Variants in TMEM71 observed in about 807,000 individuals in gnomAD.
The protein encoded by TMEM71 is transmembrane protein 71.
Under a neutral mutation model 38.0 loss-of-function variants are expected in TMEM71, and 44 were observed. The ratio of observed to expected loss-of-function variants is 1.16; its 90% CI spans 0.91 to 1.49. The LOEUF is 1.49. Ranked by LOEUF, TMEM71 falls within the 40% of genes most tolerant of loss-of-function variation. The pLI is 0.00. For missense variants in TMEM71, 367 were observed against 348.6 expected (o/e 1.05, Z -0.42); for synonymous variants, 133 against 122.5 (o/e 1.09, Z -0.56).
chr8:132,738,597 A>G (rs1418927268), intron 5 of TMEM71, among the ~76,000 whole-genome samples: 2 of 152,208 alleles, frequency 1.3e-5, no homozygotes, highest in African/African-American at 4.8e-5. Context: ...GCTTAAGAGA[A>G]TCAAAAAATA....
rs1256301375 is a variant in TMEM71 at position 132,728,125 on chromosome 8, T to C, written c.488-139A>G. On this transcript the variant is annotated intron_variant, in intron 5 of 9. Transcript: ENST00000677595. ...ATATTGATACGGTATTGCACTACCA[T>C]AGTGGGATGGGAGAAGGATTTTTGG... 5 of 596,822 alleles carry C rather than the reference T, an allele frequency of 8.4e-6. No homozygotes were observed. In the Admixed American group the frequency reaches 1.1e-4, roughly 13 times the overall value. 37.0% of individuals were successfully genotyped at this position (596,822 alleles called of 1,614,324 possible). A position where few individuals can be genotyped will look rare whatever the true frequency, so the allele number is the denominator to read the frequency against.
intron 5 of TMEM71, among the ~76,000 whole-genome samples, chr8:132,745,119 A>C (rs1489186593): frequency 6.6e-6 from 1 of 152,222 alleles, no homozygotes; most frequent in Non-Finnish European, 1.5e-5. Flanking sequence ...AGCCTTGGAA[A>C]ATAATTTATG....
chr8:132,720,679 G>A (rs1826791584), intron 7 of TMEM71, among the ~76,000 whole-genome samples: 2 of 152,136 alleles, frequency 1.3e-5, no homozygotes, highest in South Asian at 2.1e-4. Context: ...CTCAAGAGAT[G>A]GGATCTAGGA....
Position 132,754,287 on chromosome 8 carries a change from C to A in TMEM71, c.102-2290G>T, listed in dbSNP as rs560475533. Among the ~76,000 whole-genome samples the A allele has an allele frequency of 2.6e-5, 4 of 152,248 alleles. No individual in the cohort carries two copies. The South Asian group carries it at 8.3e-4, about 32-fold the overall frequency. The stretch of plus-strand genomic sequence containing the variant: ...ATAGACTATCAAGTCTATGGCCATA[C>A]CACCCTGAACGTGCCTGATCTCATC... On this transcript the variant is annotated intron_variant, in intron 3 of 9. Transcript: ENST00000677595.
At chr8:132,761,650 G>T (rs1418949283), upstream of TMEM71, among the ~76,000 whole-genome samples, 2 of 152,198 alleles carry the variant, frequency 1.3e-5, no homozygotes, top group African/African-American at 4.8e-5. Context: ...GGAACTTCAT[G>T]TCTATTCTCC....
At chr8:132,743,592 A>G (rs1235096595) in intron 5 of TMEM71, among the ~76,000 whole-genome samples, 1 of 152,150 alleles carries the variant, frequency 6.6e-6, no homozygotes, top group Non-Finnish European at 1.5e-5. Context: ...TTGAGTTCAC[A>G]ACATTCCATT....
At chr8:132,757,600 C>T (rs1045040263) in intron 2 of TMEM71, among the ~76,000 whole-genome samples, 42 of 151,954 alleles carry the variant, frequency 2.8e-4, no homozygotes, top group Admixed American at 5.2e-4. Flanking sequence ...CCGAGGCGGG[C>T]GGATCACAAG....
chr8:132,753,596 C>T (rs1828848801), intron 3 of TMEM71, among the ~76,000 whole-genome samples: 2 of 152,038 alleles, frequency 1.3e-5, no homozygotes, highest in African/African-American at 4.8e-5. Flanking sequence ...TTACTAAGCA[C>T]CCCCACAACC....
rs560410170 is a variant in TMEM71, at chr8:132,718,512, C to T, written c.752+3528G>A. ...TCCCGGGTTCACACCATTCTCCTGC[C>T]TCAGCCTCCCGAGTAGCTGGGACTA... On this transcript the variant is annotated intron_variant, in intron 7 of 9. Transcript: ENST00000677595. 8.6e-5 allele frequency among the ~76,000 whole-genome samples: 13 copies of T among 151,842 alleles called. No homozygotes were observed. The East Asian group carries it at 1.6e-3, about 18-fold the overall frequency.
At chr8:132,724,406 T>C (rs1827019648) in intron 6 of TMEM71, among the ~76,000 whole-genome samples, 1 of 152,154 alleles carries the variant, frequency 6.6e-6, no homozygotes, top group South Asian at 2.1e-4. Context: ...TTAATATTAA[T>C]ATTCCTTGCT....
At chr8:132,755,384 C>T (rs907885770) in intron 3 of TMEM71, among the ~76,000 whole-genome samples, 6 of 152,302 alleles carry the variant, frequency 3.9e-5, no homozygotes, top group Middle Eastern at 3.4e-3. Flanking sequence ...CTTCATTCTG[C>T]TCTAATAAAT....
chr8:132,739,659 C>A (rs1827936415), intron 5 of TMEM71, among the ~76,000 whole-genome samples: 1 of 152,060 alleles, frequency 6.6e-6, no homozygotes, highest in Non-Finnish European at 1.5e-5. Context: ...GTTCCTTAAC[C>A]CTGAACTTCA....
At chr8:132,775,380 G>C in the TMEM71 span, 1 of 368,066 alleles carries the variant, frequency 2.7e-6, no homozygotes, top group Non-Finnish European at 4.8e-6. Flanking sequence ...GGGGCCCGGC[G>C]TCGCGTCAGG....
At chr8:132,738,229 A>G (rs975227618) in intron 5 of TMEM71, among the ~76,000 whole-genome samples, 1 of 152,200 alleles carries the variant, frequency 6.6e-6, no homozygotes, top group Admixed American at 6.5e-5. Flanking sequence ...TCAGGTGGGA[A>G]AAGCTGGTTC....
chr8:132,773,415 T>G, the TMEM71 span, among the ~76,000 whole-genome samples: 1 of 152,270 alleles, frequency 6.6e-6, no homozygotes, highest in Non-Finnish European at 1.5e-5. Context: ...CCAATTAAAA[T>G]GGAACAATCA....
chr8:132,723,388 G>T lies in TMEM71; in HGVS notation c.677-1273C>A, dbSNP rs534075977. 5.9e-5 allele frequency among the ~76,000 whole-genome samples: 9 copies of T among 152,308 alleles called. No individual in the cohort carries two copies. The South Asian group carries it at 1.9e-3, about 32-fold the overall frequency. ...GAAGGATGAATGGGTTTAGATTTGA[G>T]ATCTACAAAGATATGAGTTGTGTGA... On this transcript the variant is annotated intron_variant, in intron 6 of 9. Transcript: ENST00000677595.
downstream of TMEM71, among the ~76,000 whole-genome samples, chr8:132,708,759 C>G (rs2130982589): frequency 6.6e-6 from 1 of 152,134 alleles, no homozygotes; most frequent in South Asian, 2.1e-4. Context: ...TGGGTGGGCC[C>G]CATGTAATTA....
chr8:132,732,175 T>A (rs1827495366), intron 5 of TMEM71, among the ~76,000 whole-genome samples: 1 of 152,168 alleles, frequency 6.6e-6, no homozygotes, highest in Non-Finnish European at 1.5e-5. Context: ...AGGTAATTGC[T>A]ACAACAAAGG....
At chr8:132,725,568 T>G (rs900546380) in intron 6 of TMEM71, among the ~76,000 whole-genome samples, 7 of 152,208 alleles carry the variant, frequency 4.6e-5, no homozygotes, top group African/African-American at 1.7e-4. Flanking sequence ...CTGATACAAC[T>G]GATGTATCTG....
Sources: allele counts gnomAD v4.1 joint callset (sites outside exome capture counted in the v4.1 genomes callset), GRCh38; gene constraint gnomAD v4.1.1; transcripts MANE v1.5; gene names NCBI Gene and HGNC (gene_info 2026-07-23, HGNC 2026-07-21).